LRRTM4: variants seen among roughly 807,000 people sequenced by gnomAD.
LRRTM4 encodes leucine-rich repeat transmembrane neuronal protein 4.
In LRRTM4, 25 loss-of-function variants were observed where a neutral mutation model predicts 47.6. The observed-to-expected ratio is 0.53, with a 90% CI of 0.38 to 0.73. The LOEUF (loss-of-function observed/expected upper bound fraction) is 0.73. Ranked by LOEUF, LRRTM4 falls within the 30% of genes least tolerant of loss-of-function variation. The pLI, the probability that LRRTM4 is intolerant of heterozygous loss-of-function variation, is 0.00. For synonymous variants in LRRTM4, 311 were observed against 269.5 expected (o/e 1.15, Z -1.51); for missense variants, 638 against 713.4 (o/e 0.89, Z 1.20).
intron 3 of LRRTM4, among the ~76,000 whole-genome samples, chr2:76,890,935 G>T (rs1673232694): frequency 6.6e-6 from 1 of 151,792 alleles, no homozygotes; most frequent in African/African-American, 2.4e-5. Context: ...ATCACACCCA[G>T]AAAGAGAGAA....
Position 77,476,699 on chromosome 2 carries a change from C to T in LRRTM4, c.1551+41619G>A, listed in dbSNP as rs182315565. On this transcript the variant is annotated intron_variant, in intron 3 of 3. Coordinates refer to ENST00000409884, the MANE Select transcript of LRRTM4 (RefSeq NM_001134745.3). ...ACGTAGAACAATTGTTATGCTAAAG[C>T]GAGGTACAAATGTTATTTATAGTAA... is the stretch of plus-strand genomic sequence containing the variant. 2.2e-3 allele frequency among the ~76,000 whole-genome samples: 341 copies of T among 151,934 alleles called. 1 individual carries two copies. The highest frequency in any genetic ancestry group is 7.4e-3 in the African/African-American group (308 of 41,446).
intron 3 of LRRTM4, among the ~76,000 whole-genome samples, chr2:77,377,767 A>G (rs1439349357): frequency 6.6e-6 from 1 of 152,050 alleles, no homozygotes; most frequent in Non-Finnish European, 1.5e-5. Flanking sequence ...TATGTGATAA[A>G]TTATATGAAT....
At chr2:77,081,147 A>C (rs921195437) in intron 3 of LRRTM4, among the ~76,000 whole-genome samples, 1 of 151,802 alleles carries the variant, frequency 6.6e-6, no homozygotes, top group Non-Finnish European at 1.5e-5. Flanking sequence ...TTGATCATGT[A>C]TACTTTTTAT....
rs190485355 is a variant in LRRTM4 at position 77,164,078 on chromosome 2, A to G, written c.1551+354240T>C. On this transcript the variant is annotated intron_variant, in intron 3 of 3. Coordinates refer to ENST00000409884, the MANE Select transcript of LRRTM4 (RefSeq NM_001134745.3). ...TTCAGGAGACCCATCTCACATGCAG[A>G]GACACACATAGGCTCAAAATAAAGG... Among the ~76,000 whole-genome samples the G allele has an allele frequency of 4.5e-4, 68 of 152,338 alleles. 1 individual carries two copies. Among genetic ancestry groups the G allele is most frequent in the African/African-American group, 1.4e-3 (57 of 41,586 alleles).
In LRRTM4 at chr2:77,373,088, AAT is replaced by A. The variant is rs1553435843; in HGVS notation, c.1551+145228_1551+145229del. On this transcript the variant is annotated intron_variant, in intron 3 of 3. Coordinates refer to ENST00000409884, the MANE Select transcript of LRRTM4 (RefSeq NM_001134745.3). ...AAAGCAAACCAACAATTAAAAAAAA[AAT>A]ATATATATATATATATATACGCACA... Among the ~76,000 whole-genome samples the A allele has an allele frequency of 5.1e-4, 71 of 140,338 alleles. 1 individual carries two copies. The highest frequency in any genetic ancestry group is 2.1e-3 in the East Asian group (10 of 4,798). 92.1% of individuals were successfully genotyped at this position (140,338 alleles called of 152,430 possible). A position where few individuals can be genotyped will look rare whatever the true frequency, so the allele number is the denominator to read the frequency against.
intron 3 of LRRTM4, among the ~76,000 whole-genome samples, chr2:76,913,226 G>A (rs549892330): frequency 1.3e-4 from 19 of 151,990 alleles, no homozygotes; most frequent in Non-Finnish European, 2.5e-4. Flanking sequence ...AAGAGATACA[G>A]ATGTTATATA....
rs1210695407 is a variant in LRRTM4 at position 77,519,624 on chromosome 2, G to T, written c.245C>A (p.Ala82Asp). The T allele has an allele frequency of 1.2e-6, 2 of 1,613,420 alleles. No individual in the cohort carries two copies. Among genetic ancestry groups the T allele is most frequent in the Admixed American group, 3.3e-5 (2 of 59,880 alleles). The change falls in exon 3 of 4, where the codon GCC becomes GAC. Residue 82 changes from alanine (A) to aspartate (D), a missense_variant. By Grantham distance (126) the Ala-to-Asp change is moderately radical. Transcript: ENST00000409884. This position sits in a 1 kb window ranked among gnomAD's most constrained non-coding sequence, Gnocchi z 4.6. ...AAGCCATATAAGCTGGTTAAGGCCG[G>T]CAAACTGATTGGATTTGAGCTTCTG... is the stretch of plus-strand genomic sequence containing the variant. ...SIQKLKSNQF[A>D]GLNQLIWLYL... is the part of the protein sequence containing the mutation.
chr2:76,798,129 CA>C (rs1675452286), intron 3 of LRRTM4, among the ~76,000 whole-genome samples: 1 of 152,014 alleles, frequency 6.6e-6, no homozygotes, highest in Admixed American at 6.5e-5. Flanking sequence ...CTCTCCACAC[CA>C]AATCAACACA....
chr2:77,171,360 T>C (rs1426606266), intron 3 of LRRTM4, among the ~76,000 whole-genome samples: 1 of 152,084 alleles, frequency 6.6e-6, no homozygotes, highest in Non-Finnish European at 1.5e-5. Flanking sequence ...CACTGCAACC[T>C]CCACCTCCTG....
intron 3 of LRRTM4, among the ~76,000 whole-genome samples, chr2:77,083,797 T>TTTG (rs1558569795): frequency 7.1e-5 from 7 of 97,930 alleles, no homozygotes; most frequent in African/African-American, 2.4e-4. Context: ...TTTTTTTTTT[T>TTTG]TTTTTTTTTT....
chr2:77,408,837 C>T (rs370038081), intron 3 of LRRTM4, among the ~76,000 whole-genome samples: 1 of 152,156 alleles, frequency 6.6e-6, no homozygotes, highest in African/African-American at 2.4e-5. Flanking sequence ...ATATCTGTTT[C>T]ATAAATGTGT....
At chr2:77,344,614 A>G (rs1339678372) in intron 3 of LRRTM4, among the ~76,000 whole-genome samples, 2 of 151,956 alleles carry the variant, frequency 1.3e-5, no homozygotes, top group South Asian at 2.1e-4. Context: ...AGATTATGAT[A>G]TGGAAAAAAA....
chr2:77,299,864 T>G (rs949217281), intron 3 of LRRTM4, among the ~76,000 whole-genome samples: 1 of 146,524 alleles, frequency 6.8e-6, no homozygotes, highest in African/African-American at 2.7e-5. Context: ...TTTTTTTTTT[T>G]TTTTTTTGAG....
At chr2:76,995,285 G>T (rs886882376) in intron 3 of LRRTM4, among the ~76,000 whole-genome samples, 1 of 151,982 alleles carries the variant, frequency 6.6e-6, no homozygotes, top group Non-Finnish European at 1.5e-5. Context: ...CTACTTTTCT[G>T]CCTTTGAATT....
chr2:77,143,207 T>A (rs139321463), intron 3 of LRRTM4, among the ~76,000 whole-genome samples: 258 of 152,296 alleles, frequency 1.7e-3, no homozygotes, highest in African/African-American at 5.8e-3. Flanking sequence ...ATGCAAAAGA[T>A]CCAGAATTCA....
chr2:77,353,277 A>T (rs566163571), intron 3 of LRRTM4, among the ~76,000 whole-genome samples: 1 of 152,220 alleles, frequency 6.6e-6, no homozygotes, highest in Non-Finnish European at 1.5e-5. Context: ...AAATAAAATT[A>T]AAAAGTGGGT....
intron 3 of LRRTM4, among the ~76,000 whole-genome samples, chr2:77,510,672 G>T (rs1436102000): frequency 6.6e-6 from 1 of 151,844 alleles, no homozygotes; most frequent in Non-Finnish European, 1.5e-5. Flanking sequence ...TTCCTATTTT[G>T]AAGCATATAT....
chr2:77,048,825 C>A (rs988481067), intron 3 of LRRTM4, among the ~76,000 whole-genome samples: 1 of 151,478 alleles, frequency 6.6e-6, no homozygotes, highest in African/African-American at 2.4e-5. Context: ...AATTGTTTAT[C>A]CTAAACACCC....
intron 3 of LRRTM4, among the ~76,000 whole-genome samples, chr2:77,049,149 T>C (rs1238917658): frequency 1.5e-5 from 2 of 135,432 alleles, no homozygotes; most frequent in African/African-American, 6.0e-5. Context: ...TATATATATA[T>C]ATATATATAC....
Sources: gnomAD v4.1 joint callset for allele counts (sites outside exome capture counted in the v4.1 genomes callset) on GRCh38, gnomAD v4.1.1 for gene constraint, Gnocchi (gnomAD v3.1) non-coding constraint, MANE v1.5 for transcripts, NCBI Gene and HGNC (gene_info 2026-07-23, HGNC 2026-07-21) for gene names.